The following CNTNAP5 variants were observed in gnomAD, a reference collection of about 807,000 sequenced individuals.
CNTNAP5 encodes contactin-associated protein-like 5.
Under a neutral mutation model 150.2 loss-of-function variants are expected in CNTNAP5, and 72 were observed. The observed-to-expected ratio is 0.48, with a 90% confidence interval of 0.40 to 0.58. CNTNAP5 has a LOEUF of 0.58. Among genes scored for constraint, CNTNAP5 ranks in the 20% least tolerant of loss-of-function variants. The pLI, the probability that CNTNAP5 is intolerant of heterozygous loss-of-function variation, is 0.00. For missense variants in CNTNAP5, 1,636 were observed against 1,626.2 expected, an observed-to-expected ratio of 1.01 and a Z score of -0.10; for synonymous variants, 672 against 619.8, an observed-to-expected ratio of 1.08 and a Z score of -1.25.
chr2:124,814,338 G>T (rs1682303815), intron 19 of CNTNAP5, among the ~76,000 whole-genome samples: 1 of 151,038 alleles, frequency 6.6e-6, no homozygotes, highest in Non-Finnish European at 1.5e-5. Flanking sequence ...AAGCTTTCCT[G>T]GTCCCCTCCC....
chr2:124,757,940 G>A (rs1270707156), intron 14 of CNTNAP5, among the ~76,000 whole-genome samples: 1 of 152,196 alleles, frequency 6.6e-6, no homozygotes, highest in Non-Finnish European at 1.5e-5. Context: ...CTTTGCCTGT[G>A]AGAGGTAGAG....
At chr2:124,831,994 G>C (rs1213105140) in intron 19 of CNTNAP5, among the ~76,000 whole-genome samples, 1 of 151,938 alleles carries the variant, frequency 6.6e-6, no homozygotes, top group Non-Finnish European at 1.5e-5. Context: ...AGAAAATTCG[G>C]TTGTTTTCAT....
intron 3 of CNTNAP5, among the ~76,000 whole-genome samples, chr2:124,331,558 A>G (rs182430092): frequency 2.9e-3 from 445 of 152,156 alleles, no homozygotes; most frequent in African/African-American, 9.6e-3. Flanking sequence ...GAGGTCAAAA[A>G]GACTTCATTT....
chr2:124,456,476 G>A (rs1693121855), intron 6 of CNTNAP5, among the ~76,000 whole-genome samples: 1 of 152,094 alleles, frequency 6.6e-6, no homozygotes. Context: ...TCAATATTGT[G>A]AAAATGACCA....
intron 21 of CNTNAP5, among the ~76,000 whole-genome samples, chr2:124,876,936 A>G (rs1013510826): frequency 2.0e-5 from 3 of 152,152 alleles, no homozygotes; most frequent in Non-Finnish European, 4.4e-5. Flanking sequence ...ATCAGATGTC[A>G]GTAATCATCC....
chr2:124,236,540 A>G (rs1368218323), intron 2 of CNTNAP5, among the ~76,000 whole-genome samples: 1 of 152,184 alleles, frequency 6.6e-6, no homozygotes, highest in Admixed American at 6.5e-5. Flanking sequence ...ACTCTTACAC[A>G]TACTGCATAA....
At position 124,545,540 on chromosome 2, in the gene CNTNAP5, A is replaced by AT. The variant is rs1695493189; in HGVS notation, c.1650-17674dup. Among the ~76,000 whole-genome samples, 4 of 152,240 alleles carry AT rather than the reference A, an allele frequency of 2.6e-5. 1 individual carries two copies. Among genetic ancestry groups the AT allele is most frequent in the African/African-American group, 9.6e-5 (4 of 41,548 alleles). On this transcript the variant is annotated intron_variant, in intron 10 of 23. Transcript: ENST00000682447. ...TTGAAAATCATAACATTTAACATAT[A>AT]TTTATTAATTGGGATTCTAGTATCA...
rs144456886 is a variant in CNTNAP5, at chr2:124,866,711, C to G, written c.3348+1275C>G. 2.3e-3 allele frequency among the ~76,000 whole-genome samples: 351 copies of G among 152,134 alleles called. 1 individual carries two copies. The highest frequency in any genetic ancestry group is 8.1e-3 in the African/African-American group (338 of 41,512). On this transcript the variant is annotated intron_variant, in intron 20 of 23. Coordinates refer to ENST00000682447, the MANE Select transcript of CNTNAP5 (RefSeq NM_001367498.1). The stretch of plus-strand genomic sequence containing the variant: ...GCCAGCAGCAGATGATGGCAGAGCC[C>G]AACAGAGAATAGACAGAGTCCAGAT...
intron 3 of CNTNAP5, among the ~76,000 whole-genome samples, chr2:124,259,149 T>C (rs1307588335): frequency 6.6e-6 from 1 of 152,016 alleles, no homozygotes; most frequent in African/African-American, 2.4e-5. Flanking sequence ...AGAATGATAG[T>C]TTCCAGCTTC....
At chr2:124,064,479 A>G (rs1682102485) in intron 1 of CNTNAP5, among the ~76,000 whole-genome samples, 1 of 152,092 alleles carries the variant, frequency 6.6e-6, no homozygotes, top group Non-Finnish European at 1.5e-5. Flanking sequence ...ACACCAACAC[A>G]GTCCAAACCA....
chr2:124,336,707 T>C (rs1413384691), intron 3 of CNTNAP5, among the ~76,000 whole-genome samples: 1 of 152,024 alleles, frequency 6.6e-6, no homozygotes, highest in Non-Finnish European at 1.5e-5. Flanking sequence ...CATGAACTCA[T>C]CATTTTTTAT....
At position 124,367,491 on chromosome 2, in the gene CNTNAP5, C is replaced by A. The variant is rs184366721; in HGVS notation, c.382-49952C>A. On this transcript the variant is annotated intron_variant, in intron 3 of 23. Transcript: ENST00000682447. ...CCACCCCCATGATTCAATTACCTCC[C>A]ACTGGGTCCCTCCCATGACACATGG... Among the ~76,000 whole-genome samples the A allele has an allele frequency of 7.9e-5, 12 of 152,248 alleles. No homozygotes were observed. The East Asian group carries it at 2.3e-3, about 30-fold the overall frequency.
chr2:124,151,403 A>G (rs767961112), intron 1 of CNTNAP5, among the ~76,000 whole-genome samples: 18 of 152,062 alleles, frequency 1.2e-4, no homozygotes, highest in Non-Finnish European at 2.2e-4. Flanking sequence ...TGCTTTCAGG[A>G]CTTGGTAAGT....
intron 13 of CNTNAP5, among the ~76,000 whole-genome samples, chr2:124,717,173 T>C (rs972001105): frequency 6.6e-6 from 1 of 152,224 alleles, no homozygotes; most frequent in Non-Finnish European, 1.5e-5. Flanking sequence ...TAGAATTGAA[T>C]TTGATTTGCT....
At chr2:124,136,598 CAG>C (rs1330022762) in intron 1 of CNTNAP5, among the ~76,000 whole-genome samples, 6 of 152,118 alleles carry the variant, frequency 3.9e-5, no homozygotes, top group Non-Finnish European at 7.4e-5. Context: ...GAGTGAAAAA[CAG>C]AATGTTTGTT....
At chr2:124,358,475 C>T (rs1338850447) in intron 3 of CNTNAP5, among the ~76,000 whole-genome samples, 3 of 152,084 alleles carry the variant, frequency 2.0e-5, no homozygotes, top group Admixed American at 1.3e-4. Context: ...TGTAATATGT[C>T]CCATCAATAC....
chr2:124,306,719 CTT>C (rs762901729), intron 3 of CNTNAP5, among the ~76,000 whole-genome samples: 5,370 of 64,370 alleles, frequency 0.083, 99 homozygotes, highest in East Asian at 0.24. Flanking sequence ...CTCTCTCTTT[CTT>C]TTTTTTTTTT....
chr2:124,419,912 CT>C (rs1240859552), intron 4 of CNTNAP5, among the ~76,000 whole-genome samples: 1 of 120,024 alleles, frequency 8.3e-6, no homozygotes, highest in African/African-American at 3.6e-5. Context: ...TTCTTTCTTT[CT>C]TTCTTTCTTT....
intron 13 of CNTNAP5, among the ~76,000 whole-genome samples, chr2:124,674,539 C>A (rs1678895725): frequency 7.7e-6 from 1 of 130,220 alleles, no homozygotes. Flanking sequence ...TTCTTTCTTT[C>A]TTTCTTTCTT....
Sources: gnomAD v4.1 joint callset for allele counts (sites outside exome capture counted in the v4.1 genomes callset) on GRCh38, gnomAD v4.1.1 for gene constraint, MANE v1.5 for transcripts, NCBI Gene and HGNC (gene_info 2026-07-23, HGNC 2026-07-21) for gene names.